The following BDKRB1 variants were observed in gnomAD, a reference collection of about 807,000 sequenced individuals.
The protein encoded by BDKRB1 is B1 bradykinin receptor.
For synonymous variants in BDKRB1, 192 were observed against 189.1 expected, an observed-to-expected ratio of 1.02 and a Z score of -0.13; for missense variants, 414 against 441.4, an observed-to-expected ratio of 0.94 and a Z score of 0.56.
chr14:96,264,576 C>A lies in BDKRB1; in HGVS notation c.894C>A (p.Asn298Lys), dbSNP rs775171266. ...DFIDLGLQLA[N>K]FFAFTNSSLN... ...TTGACCTGGGCCTGCAATTGGCCAA[C>A]TTCTTTGCCTTCACTAACAGCTCCC... Residue 298 changes from asparagine (N) to lysine (K), a missense_variant, in exon 3 of 3, where the codon AAC (asparagine) becomes AAA (lysine). Coordinates refer to ENST00000216629, the MANE Select transcript of BDKRB1 (RefSeq NM_000710.4). The A allele has an allele frequency of 1.4e-5, 23 of 1,614,108 alleles. No individual in the cohort carries two copies. Among genetic ancestry groups the A allele is most frequent in the Non-Finnish European group, 1.7e-5 (20 of 1,180,060 alleles).
intron 1 of BDKRB1, among the ~76,000 whole-genome samples, chr14:96,258,607 G>A (rs911336405): frequency 6.6e-5 from 10 of 152,232 alleles, no homozygotes; most frequent in South Asian, 2.1e-4. Context: ...CACAACCTCC[G>A]CTTCCCAGGT....
intron 1 of BDKRB1, among the ~76,000 whole-genome samples, chr14:96,258,676 A>G (rs904411424): frequency 6.6e-6 from 1 of 152,000 alleles, no homozygotes; most frequent in Non-Finnish European, 1.5e-5. Context: ...GCCTGCCACC[A>G]TGCCCGGCTA....
intron 1 of BDKRB1, among the ~76,000 whole-genome samples, chr14:96,262,112 G>A (rs1158251342): frequency 3.3e-5 from 5 of 150,794 alleles, no homozygotes; most frequent in Admixed American, 6.6e-5. Flanking sequence ...TCCAGCAAGC[G>A]TGGGAGGCCA....
chr14:96,257,269 C>T (rs1026584430), intron 1 of BDKRB1, among the ~76,000 whole-genome samples: 3 of 152,198 alleles, frequency 2.0e-5, no homozygotes, highest in African/African-American at 7.2e-5. Context: ...CGTAGCTGGT[C>T]GTCTCTGGCT....
In BDKRB1 at chr14:96,263,921, C is replaced by A; in HGVS notation, c.239C>A (p.Ala80Glu). Reference protein sequence around the residue: ...NVAEIYLANLAASDLVFVLGL... With the variant: ...NVAEIYLANLEASDLVFVLGL... ...GCAGAAATCTACCTGGCCAACCTGG[C>A]AGCCTCTGATCTGGTGTTTGTCTTG... Residue 80 changes from alanine (A) to glutamate (E), a missense_variant, in exon 3 of 3, where the codon GCA becomes GAA. By Grantham distance (107) the Ala-to-Glu change is moderately radical. Transcript: ENST00000216629. 6.2e-7 allele frequency: 1 copy of A among 1,614,280 alleles called. No homozygotes were observed. Among genetic ancestry groups the A allele is most frequent in the Non-Finnish European group, 8.5e-7 (1 of 1,180,060 alleles).
rs1885662393 is a variant in BDKRB1, at chr14:96,258,161, A to G, written c.-130+1861A>G. ...TATTAAAGCAAAAGAAAACATGTTTATGTTAATCAACTGAACATTTAAAAA... is the reference window on the plus strand; with the variant it reads ...TATTAAAGCAAAAGAAAACATGTTTGTGTTAATCAACTGAACATTTAAAAA... On this transcript the variant is annotated intron_variant, in intron 1 of 2. Transcript: ENST00000216629. Among the ~76,000 whole-genome samples, 4 of 152,256 alleles carry G rather than the reference A, an allele frequency of 2.6e-5. No homozygotes were observed. The South Asian group carries it at 8.3e-4, about 31-fold the overall frequency.
intron 1 of BDKRB1, among the ~76,000 whole-genome samples, chr14:96,261,501 A>G (rs1885748536): frequency 6.6e-6 from 1 of 152,226 alleles, no homozygotes; most frequent in African/African-American, 2.4e-5. Context: ...TCCTTAGATG[A>G]GGAAAGTCAG....
chr14:96,261,921 C>T (rs36220808), intron 1 of BDKRB1, among the ~76,000 whole-genome samples: 1 of 152,216 alleles, frequency 6.6e-6, no homozygotes, highest in Admixed American at 6.5e-5. Context: ...CTTGTGGGAT[C>T]GCAGAGGGCT....
chr14:96,264,424 A>G lies in BDKRB1; in HGVS notation c.742A>G (p.Thr248Ala). The change falls in exon 3 of 3, where the codon ACC becomes GCC. Residue 248 changes from threonine to alanine, a missense_variant. Physicochemically the swap from Thr to Ala is moderately conservative, Grantham distance 58. Coordinates refer to ENST00000216629, the MANE Select transcript of BDKRB1 (RefSeq NM_000710.4). Reference protein sequence around the residue: ...TRCGGRKDSKTTALILTLVVA... With the variant: ...TRCGGRKDSKATALILTLVVA... Reference sequence around the variant, plus strand: ...GTGCGGGGGCCGCAAGGATAGCAAGACCACAGCGCTGATCCTCACGCTCGT... The same window carrying G: ...GTGCGGGGGCCGCAAGGATAGCAAGGCCACAGCGCTGATCCTCACGCTCGT... The G allele has an allele frequency of 6.2e-7, 1 of 1,614,178 alleles. No individual in the cohort carries two copies. Among genetic ancestry groups the G allele is most frequent in the African/African-American group, 1.3e-5 (1 of 75,044 alleles).
intron 1 of BDKRB1, chr14:96,260,025 A>AT (rs71103508): frequency 0.27 from 38,305 of 142,644 alleles, 5,528 homozygotes; most frequent in East Asian, 0.54. Context: ...TTAGGGTGCA[A>AT]TTTTTTTTTT....
chr14:96,262,032 T>C (rs1240839238), intron 1 of BDKRB1, among the ~76,000 whole-genome samples: 1 of 152,216 alleles, frequency 6.6e-6, no homozygotes, highest in Admixed American at 6.5e-5. Context: ...TGCGTGGCTA[T>C]GAACATGAGC....
Position 96,264,071 on chromosome 14 carries a change from C to T in BDKRB1, c.389C>T (p.Ala130Val). Reference protein sequence around the residue: ...NLFISIFLVVAISQDRYRVLV... With the variant: ...NLFISIFLVVVISQDRYRVLV... ...TTCATCAGCATCTTCCTGGTGGTGG[C>T]CATCAGCCAGGACCGCTACCGCGTG... Residue 130 changes from alanine (A) to valine (V), a missense_variant, in exon 3 of 3, where the codon GCC becomes GTC. Coordinates refer to ENST00000216629, the MANE Select transcript of BDKRB1 (RefSeq NM_000710.4). 1 of 1,610,954 alleles carries T rather than the reference C, an allele frequency of 6.2e-7. No individual in the cohort carries two copies. Among genetic ancestry groups the T allele is most frequent in the Non-Finnish European group, 8.5e-7 (1 of 1,178,486 alleles).
At chr14:96,258,104 A>G (rs891686576) in intron 1 of BDKRB1, among the ~76,000 whole-genome samples, 1 of 152,238 alleles carries the variant, frequency 6.6e-6, no homozygotes, top group Admixed American at 6.5e-5. Context: ...TTTTCAAAAA[A>G]GTCTTTAAAT....
In BDKRB1 at chr14:96,264,284, CA is replaced by C; in HGVS notation, c.604del (p.Arg202GlyfsTer5). 6.2e-7 allele frequency: 1 copy of C among 1,614,254 alleles called. No individual in the cohort carries two copies. Among genetic ancestry groups the C allele is most frequent in the Non-Finnish European group, 8.5e-7 (1 of 1,180,048 alleles). ...LLLPHEAWHF[A>X]RIVELNILGF... ...CTCCCCCATGAGGCCTGGCACTTTG[CA>C]AGGATTGTGGAGTTAAATATTCTGG... On this transcript the variant is annotated frameshift_variant, in exon 3 of 3. Coordinates refer to ENST00000216629, the MANE Select transcript of BDKRB1 (RefSeq NM_000710.4). LOFTEE classifies it low-confidence loss of function (END_TRUNC).
chr14:96,262,395 A>G (rs1368848728), intron 1 of BDKRB1, among the ~76,000 whole-genome samples: 2 of 152,114 alleles, frequency 1.3e-5, no homozygotes, highest in Non-Finnish European at 2.9e-5. Context: ...GGGTCTCAGC[A>G]CTCAATTTTC....
chr14:96,259,868 C>T (rs1853299164), intron 1 of BDKRB1: 1 of 152,162 alleles, frequency 6.6e-6, no homozygotes, highest in Admixed American at 6.5e-5. Context: ...CCATCACTTC[C>T]ACTGTTGCAC....
At position 96,263,963 on chromosome 14, in the gene BDKRB1, C is replaced by A. The variant is rs199526317; in HGVS notation, c.281C>A (p.Ala94Glu). 1.4e-5 allele frequency: 22 copies of A among 1,614,106 alleles called. No individual in the cohort carries two copies. In the African/African-American group the frequency reaches 2.9e-4, roughly 22 times the overall value. The change falls in exon 3 of 3, where the codon GCA (alanine) becomes GAA (glutamate). Residue 94 changes from alanine (A) to glutamate (E), a missense_variant. Ala to Glu is a moderately radical substitution (Grantham distance 107). Coordinates refer to ENST00000216629, the MANE Select transcript of BDKRB1 (RefSeq NM_000710.4). ...TTTGTCTTGGGCTTGCCCTTCTGGG[C>A]AGAGAATATCTGGAACCAGTTTAAC... ...LVFVLGLPFW[A>E]ENIWNQFNWP...
Position 96,264,575 on chromosome 14 carries a change from A to T in BDKRB1, c.893A>T (p.Asn298Ile). 1 of 1,614,214 alleles carries T rather than the reference A, an allele frequency of 6.2e-7. No individual in the cohort carries two copies. The change falls in exon 3 of 3, where the codon AAC becomes ATC. Residue 298 changes from asparagine to isoleucine, a missense_variant. Transcript: ENST00000216629. ...DFIDLGLQLA[N>I]FFAFTNSSLN... ...ATTGACCTGGGCCTGCAATTGGCCAACTTCTTTGCCTTCACTAACAGCTCC... is the reference window on the plus strand; with the variant it reads ...ATTGACCTGGGCCTGCAATTGGCCATCTTCTTTGCCTTCACTAACAGCTCC...
intron 1 of BDKRB1, among the ~76,000 whole-genome samples, chr14:96,257,579 C>T: frequency 6.6e-6 from 1 of 152,132 alleles, no homozygotes; most frequent in East Asian, 1.9e-4. Context: ...TCAACACCCT[C>T]CCATCTCTTC....
Sources: gnomAD v4.1 joint callset for allele counts (sites outside exome capture counted in the v4.1 genomes callset) on GRCh38, gnomAD v4.1.1 for gene constraint, MANE v1.5 for transcripts, NCBI Gene and HGNC (gene_info 2026-07-23, HGNC 2026-07-21) for gene names.